The following CLRN1 variants were observed in gnomAD, a reference collection of about 807,000 sequenced individuals.
CLRN1 encodes clarin 1.
CLRN1 carries 15 observed loss-of-function variants against 18.7 expected under a neutral mutation model. That is an observed-to-expected ratio of 0.80 (90% CI 0.54 to 1.23). The LOEUF (loss-of-function observed/expected upper bound fraction) is 1.23, where lower values mean the gene tolerates loss of function less well. CLRN1 is among the 50% of genes most tolerant of loss of function. CLRN1 has a pLI of 0.00. For missense variants in CLRN1, 311 were observed against 277.5 expected, an observed-to-expected ratio of 1.12 and a Z score of -0.86; for synonymous variants, 104 against 102.9, an observed-to-expected ratio of 1.01 and a Z score of -0.07.
chr3:150,969,313 ATTTTTTTTTTTTTTTTT>A (rs1196979915), intron 1 of CLRN1, among the ~76,000 whole-genome samples: 1 of 43,544 alleles, frequency 2.3e-5, no homozygotes, highest in Non-Finnish European at 3.8e-5. Context: ...ATATATATAT[ATTTTTTTTTTTTTTTTT>A]TTTTTTTTTT....
intron 1 of CLRN1, among the ~76,000 whole-genome samples, chr3:150,965,483 G>C (rs9852383): frequency 0.62 from 93,891 of 152,006 alleles, 29,496 homozygotes; most frequent in East Asian, 0.69. Flanking sequence ...ATACTTTTAT[G>C]ATTCTCAAAG....
At chr3:150,935,178 T>A (rs1038598506) in intron 2 of CLRN1, among the ~76,000 whole-genome samples, 3 of 151,944 alleles carry the variant, frequency 2.0e-5, no homozygotes, top group African/African-American at 7.3e-5. Context: ...AGTTTTAGGG[T>A]ACGTGTGCTC....
chr3:150,935,903 G>A (rs1713456256), intron 2 of CLRN1, among the ~76,000 whole-genome samples: 1 of 148,304 alleles, frequency 6.7e-6, no homozygotes, highest in African/African-American at 2.5e-5. Context: ...CAGTGATGGT[G>A]AGCATTTTTT....
Position 150,926,756 on chromosome 3 carries a change from G to A in CLRN1, c.*1180C>T. 1 of 1,606,774 alleles carries A rather than the reference G, an allele frequency of 6.2e-7. No individual in the cohort carries two copies. Among genetic ancestry groups the A allele is most frequent in the East Asian group, 2.2e-5 (1 of 44,838 alleles). ...GCTGAGTACTCAGCACCTGTGGTCAGAGGCCTAGTGATCTGTTTGCTGTCA... is the reference window on the plus strand; with the variant it reads ...GCTGAGTACTCAGCACCTGTGGTCAAAGGCCTAGTGATCTGTTTGCTGTCA... On this transcript the variant is annotated 3_prime_UTR_variant, in exon 3 of 3. Transcript: ENST00000327047.
chr3:150,962,250 G>C (rs1373044220), intron 1 of CLRN1, among the ~76,000 whole-genome samples: 1 of 152,162 alleles, frequency 6.6e-6, no homozygotes, highest in Non-Finnish European at 1.5e-5. Context: ...GCATAAATTA[G>C]ACTACCAGGT....
chr3:150,951,167 A>G (rs1298553479), intron 1 of CLRN1, among the ~76,000 whole-genome samples: 2 of 152,094 alleles, frequency 1.3e-5, no homozygotes, highest in South Asian at 2.1e-4. Context: ...GAGGAGGGGG[A>G]GGAGCAGGAA....
At chr3:150,929,005 A>T (rs1712984826) in intron 2 of CLRN1, among the ~76,000 whole-genome samples, 1 of 152,174 alleles carries the variant, frequency 6.6e-6, no homozygotes, top group Non-Finnish European at 1.5e-5. Flanking sequence ...TGGCCCCAGA[A>T]ATGGAAGCCA....
In CLRN1 at chr3:150,927,666, A is replaced by G; in HGVS notation, c.*270T>C. 2 of 586,256 alleles carry G rather than the reference A, an allele frequency of 3.4e-6. No homozygotes were observed. Among genetic ancestry groups the G allele is most frequent in the South Asian group, 1.5e-5 (1 of 65,678 alleles). The allele number at this position is 586,256 out of a possible 1,614,324, so 36.3% of individuals were successfully genotyped here. ...CACACACACACACACACACATATATATATATGGAGTAACAATTTGTCGATT... is the reference window on the plus strand; with the variant it reads ...CACACACACACACACACACATATATGTATATGGAGTAACAATTTGTCGATT... On this transcript the variant is annotated 3_prime_UTR_variant, in exon 3 of 3. Coordinates refer to ENST00000327047, the MANE Select transcript of CLRN1 (RefSeq NM_174878.3).
At position 150,953,934 on chromosome 3, in the gene CLRN1, T is replaced by C. The variant is rs536821076; in HGVS notation, c.254-12173A>G. Among the ~76,000 whole-genome samples, 9 of 152,358 alleles carry C rather than the reference T, an allele frequency of 5.9e-5. No individual in the cohort carries two copies. The South Asian group carries it at 1.9e-3, about 32-fold the overall frequency. ...AAGACCAAGGCACAGAGAAGTGAAG[T>C]AACTTGCCCAAAGTCGCACAGTGGC... On this transcript the variant is annotated intron_variant, in intron 1 of 2. Coordinates refer to ENST00000327047, the MANE Select transcript of CLRN1 (RefSeq NM_174878.3).
intron 1 of CLRN1, among the ~76,000 whole-genome samples, chr3:150,965,057 A>C (rs1043496591): frequency 2.6e-4 from 40 of 152,320 alleles, no homozygotes; most frequent in African/African-American, 8.4e-4. Context: ...AATAAAAAAA[A>C]CTTTAAAAAA....
At chr3:150,929,115 A>G (rs75559536) in intron 2 of CLRN1, among the ~76,000 whole-genome samples, 2,528 of 152,338 alleles carry the variant, frequency 0.017, 30 homozygotes, top group Non-Finnish European at 0.028. Context: ...ATGTGTGAGA[A>G]AAATAAACAT....
intron 1 of CLRN1, chr3:150,944,231 G>A (rs1714029985): frequency 3.1e-6 from 1 of 317,746 alleles, no homozygotes; most frequent in Admixed American, 4.1e-5. Flanking sequence ...GAATGGTGGG[G>A]AGGCAGAAGT....
At chr3:150,933,755 T>G (rs1183757078) in intron 2 of CLRN1, among the ~76,000 whole-genome samples, 2 of 152,284 alleles carry the variant, frequency 1.3e-5, no homozygotes, top group Middle Eastern at 3.4e-3. Flanking sequence ...CTGGGCCATG[T>G]ACAAAATAAA....
At chr3:150,949,880 C>T (rs1335051627) in intron 1 of CLRN1, among the ~76,000 whole-genome samples, 2 of 152,106 alleles carry the variant, frequency 1.3e-5, no homozygotes, top group African/African-American at 2.4e-5. Context: ...AAGAATAAAG[C>T]TGGAGGCATC....
In CLRN1 at chr3:150,972,638, A is replaced by G. The variant is rs1293698920; in HGVS notation, c.71T>C (p.Val24Ala). Residue 24 changes from valine (V) to alanine (A), a missense_variant, in exon 1 of 3, where the codon GTT (valine) becomes GCT (alanine). Val to Ala is a moderately conservative substitution (Grantham distance 64). Transcript: ENST00000327047. ...CAACGGTGTCCCCAAGGCTGTCACA[A>G]CTCCGAGGGCACATGCAAAACTGAA... ...GVFSFACALG[V>A]VTALGTPLWI... The G allele has an allele frequency of 1.9e-6, 3 of 1,614,090 alleles. No homozygotes were observed. The East Asian group carries it at 6.7e-5, about 36-fold the overall frequency.
At chr3:150,969,314 T>TATATATATATATATATATATA (rs1491446852) in intron 1 of CLRN1, among the ~76,000 whole-genome samples, 11 of 35,876 alleles carry the variant, frequency 3.1e-4, no homozygotes, top group South Asian at 1.4e-3. Context: ...TATATATATA[T>TATATATATATATATATATATA]TTTTTTTTTT....
chr3:150,935,128 G>T (rs1340637347), intron 2 of CLRN1, among the ~76,000 whole-genome samples: 5 of 151,358 alleles, frequency 3.3e-5, no homozygotes, highest in African/African-American at 7.3e-5. Context: ...ATCAATTTTT[G>T]TTTTTTTATT....
At chr3:150,941,177 T>TTATATA in intron 2 of CLRN1, among the ~76,000 whole-genome samples, 1 of 95,606 alleles carries the variant, frequency 1.0e-5, no homozygotes, top group African/African-American at 3.1e-5. Context: ...TCTATCTCTT[T>TTATATA]CATATATATA....
chr3:150,939,738 A>T (rs140909602), intron 2 of CLRN1, among the ~76,000 whole-genome samples: 1 of 152,176 alleles, frequency 6.6e-6, no homozygotes, highest in Non-Finnish European at 1.5e-5. Context: ...TGTAATGGTC[A>T]TCAGTAAAAC....
Sources: gnomAD v4.1 joint callset for allele counts (sites outside exome capture counted in the v4.1 genomes callset) on GRCh38, gnomAD v4.1.1 for gene constraint, MANE v1.5 for transcripts, NCBI Gene and HGNC (gene_info 2026-07-23, HGNC 2026-07-21) for gene names.